Variants in SETD7 observed in about 807,000 individuals in gnomAD.
SETD7 encodes the protein SET domain containing 7, histone lysine methyltransferase.
In SETD7, 16 loss-of-function variants were observed where a neutral mutation model predicts 41.8. The observed-to-expected ratio is 0.38, with a 90% CI of 0.26 to 0.58. The LOEUF (loss-of-function observed/expected upper bound fraction) is 0.58, where lower values mean the gene tolerates loss of function less well. Among genes scored for constraint, SETD7 ranks in the 20% least tolerant of loss-of-function variants. The pLI, the probability that SETD7 is intolerant of heterozygous loss-of-function variation, is 0.64. For missense variants in SETD7, 346 were observed against 459.7 expected (o/e 0.75, Z 2.26); for synonymous variants, 163 against 169.7 (o/e 0.96, Z 0.31).
At chr4:139,545,565 G>T (rs140361393) in intron 2 of SETD7, among the ~76,000 whole-genome samples, 5 of 152,274 alleles carry the variant, frequency 3.3e-5, no homozygotes, top group Non-Finnish European at 7.4e-5. Context: ...TGGGGGCAAC[G>T]GGGAAATGAA....
rs186151129 is a variant in SETD7, at chr4:139,530,081, C to T, written c.373-861G>A. Among the ~76,000 whole-genome samples the T allele has an allele frequency of 5.3e-4, 80 of 152,224 alleles. 1 individual carries two copies. The highest frequency in any genetic ancestry group is 1.8e-3 in the African/African-American group (75 of 41,528). ...AGGGACACAGTAGGTGATTCTTAAA[C>T]GCTTTTTAAATTGAACAGGGTTACC... is the stretch of plus-strand genomic sequence containing the variant. On this transcript the variant is annotated intron_variant, in intron 3 of 7. Coordinates refer to ENST00000274031, the MANE Select transcript of SETD7 (RefSeq NM_030648.4).
At chr4:139,502,586 A>T (rs1726606265), downstream of SETD7, among the ~76,000 whole-genome samples, 1 of 152,116 alleles carries the variant, frequency 6.6e-6, no homozygotes, top group Admixed American at 6.5e-5. Flanking sequence ...CCCACAGCAA[A>T]TCCTTATTTG....
At chr4:139,533,766 C>G (rs1727555685) in intron 2 of SETD7, among the ~76,000 whole-genome samples, 1 of 152,196 alleles carries the variant, frequency 6.6e-6, no homozygotes, top group South Asian at 2.1e-4. Context: ...TGGTAGTTCT[C>G]AAGGGTCTTT....
At chr4:139,537,927 A>G (rs1246465814) in intron 2 of SETD7, among the ~76,000 whole-genome samples, 2 of 152,216 alleles carry the variant, frequency 1.3e-5, no homozygotes, top group African/African-American at 4.8e-5. Flanking sequence ...TATATATCAA[A>G]TGCTTAGAAT....
chr4:139,534,127 G>C (rs971948845), intron 2 of SETD7, among the ~76,000 whole-genome samples: 1 of 152,084 alleles, frequency 6.6e-6, no homozygotes, highest in African/African-American at 2.4e-5. Flanking sequence ...AAAGCTCACA[G>C]GGATGCTCAC....
chr4:139,519,673 G>A (rs1436741668), intron 6 of SETD7, among the ~76,000 whole-genome samples: 4 of 152,208 alleles, frequency 2.6e-5, no homozygotes, highest in East Asian at 1.9e-4. Context: ...TCCCATACAC[G>A]TAATATAAGT....
chr4:139,543,278 T>C (rs1727828945), intron 2 of SETD7, among the ~76,000 whole-genome samples: 1 of 152,174 alleles, frequency 6.6e-6, no homozygotes, highest in Non-Finnish European at 1.5e-5. Context: ...CAAATATAAA[T>C]AAAAACTGCT....
At chr4:139,549,999 C>T (rs1338526250) in intron 1 of SETD7, among the ~76,000 whole-genome samples, 3 of 151,990 alleles carry the variant, frequency 2.0e-5, no homozygotes, top group Non-Finnish European at 2.9e-5. Flanking sequence ...AGGCTGGTCT[C>T]GAACTTCTGA....
In SETD7 at chr4:139,532,787, G is replaced by A. The variant is rs115819797; in HGVS notation, c.372+378C>T. 4.3e-3 allele frequency: 1,206 copies of A among 280,322 alleles called. 16 individuals carry two copies. The highest frequency in any genetic ancestry group is 0.025 in the African/African-American group (1,111 of 45,134). The allele number at this position is 280,322 out of a possible 1,614,324, so 17.4% of individuals were successfully genotyped here. On this transcript the variant is annotated intron_variant, in intron 3 of 7. Transcript: ENST00000274031. ...AATTGCTGGACTGGTTTTTACATATGAGAAACAGGAAATAAAACTAATAGC... is the reference window on the plus strand; with the variant it reads ...AATTGCTGGACTGGTTTTTACATATAAGAAACAGGAAATAAAACTAATAGC...
intron 2 of SETD7, among the ~76,000 whole-genome samples, chr4:139,537,772 TA>T (rs1386134486): frequency 3.0e-4 from 46 of 152,384 alleles, no homozygotes; most frequent in African/African-American, 1.1e-3. Context: ...ATAACAGTGT[TA>T]TTCAAGTGCA....
chr4:139,532,207 C>T (rs1727499670), intron 3 of SETD7, among the ~76,000 whole-genome samples: 1 of 152,146 alleles, frequency 6.6e-6, no homozygotes, highest in African/African-American at 2.4e-5. Flanking sequence ...TTCAGGAGGC[C>T]AAGGCAGGTG....
Position 139,556,152 on chromosome 4 carries a change from C to G in SETD7, c.-15G>C. Reference sequence around the variant, plus strand: ...TCGCTATCCATGGCGGCTGGGGACACTGCCCAGCTCGGGGCTGCGCGGCTG... The same window carrying G: ...TCGCTATCCATGGCGGCTGGGGACAGTGCCCAGCTCGGGGCTGCGCGGCTG... On this transcript the variant is annotated 5_prime_UTR_variant, in exon 1 of 8. Coordinates refer to ENST00000274031, the MANE Select transcript of SETD7 (RefSeq NM_030648.4). 1 of 1,593,984 alleles carries G rather than the reference C, an allele frequency of 6.3e-7. No individual in the cohort carries two copies. The highest frequency in any genetic ancestry group is 1.1e-5 in the South Asian group (1 of 87,660).
At chr4:139,524,863 C>A (rs1727282003) in intron 4 of SETD7, among the ~76,000 whole-genome samples, 1 of 152,202 alleles carries the variant, frequency 6.6e-6, no homozygotes, top group Non-Finnish European at 1.5e-5. Context: ...GTCACTCAGG[C>A]TGGAGAGCAA....
chr4:139,493,600 C>T (rs925673495), downstream of SETD7, among the ~76,000 whole-genome samples: 10 of 150,976 alleles, frequency 6.6e-5, no homozygotes, highest in Non-Finnish European at 8.8e-5. Context: ...AGTGCAGTGG[C>T]ACAATCCCAG....
chr4:139,503,345 G>A (rs941238304), downstream of SETD7, among the ~76,000 whole-genome samples: 1 of 151,912 alleles, frequency 6.6e-6, no homozygotes. Context: ...GAGAGCAAGC[G>A]GAGAGAAGGG....
chr4:139,538,880 TTC>T (rs1169780268), intron 2 of SETD7, among the ~76,000 whole-genome samples: 2 of 152,212 alleles, frequency 1.3e-5, no homozygotes, highest in Non-Finnish European at 2.9e-5. Flanking sequence ...TTAATTAAAT[TTC>T]TTTTTCTGCA....
intron 4 of SETD7, among the ~76,000 whole-genome samples, chr4:139,525,918 T>G (rs574818246): frequency 6.6e-6 from 1 of 152,334 alleles, no homozygotes; most frequent in African/African-American, 2.4e-5. Flanking sequence ...GCTCAAACTA[T>G]TCAACATTTC....
rs934166803 is a variant in SETD7 at position 139,544,028 on chromosome 4, G to A, written c.170+2892C>T. Among the ~76,000 whole-genome samples, 3 of 151,890 alleles carry A rather than the reference G, an allele frequency of 2.0e-5. No homozygotes were observed. The East Asian group carries it at 5.8e-4, about 29-fold the overall frequency. ...GGTTAGGCTGGGCACAATGGCTCAC[G>A]CCTGTAACCCCAGCACTTGAGAGGC... is the stretch of plus-strand genomic sequence containing the variant. On this transcript the variant is annotated intron_variant, in intron 2 of 7. Coordinates refer to ENST00000274031, the MANE Select transcript of SETD7 (RefSeq NM_030648.4).
At chr4:139,522,401 G>A (rs894151502) in intron 5 of SETD7, among the ~76,000 whole-genome samples, 4 of 152,228 alleles carry the variant, frequency 2.6e-5, no homozygotes, top group Admixed American at 1.3e-4. Context: ...AAGAGCTAGA[G>A]TTTAGCCATC....
Sources: gnomAD v4.1 joint callset for allele counts (sites outside exome capture counted in the v4.1 genomes callset) on GRCh38, gnomAD v4.1.1 for gene constraint, MANE v1.5 for transcripts, NCBI Gene and HGNC (gene_info 2026-07-23, HGNC 2026-07-21) for gene names.